Variants in IL1RAPL1 observed in about 807,000 individuals in gnomAD.
IL1RAPL1 encodes the protein interleukin-1 receptor accessory protein-like 1.
A neutral mutation model predicts 48.4 loss-of-function variants in IL1RAPL1; 3 were observed. That is an observed-to-expected ratio of 0.06 (90% CI 0.03 to 0.16). The LOEUF is 0.16. Among genes scored for constraint, IL1RAPL1 ranks in the 10% least tolerant of loss-of-function variants. IL1RAPL1 has a pLI of 1.00. For missense variants in IL1RAPL1, 349 were observed against 530.6 expected (o/e 0.66, Z 3.36); for synonymous variants, 185 against 187.7 (o/e 0.99, Z 0.12).
Position 29,232,586 on chromosome X carries a change from T to A in IL1RAPL1, c.83-50352T>A, listed in dbSNP as rs373738973. Among the ~76,000 whole-genome samples, 3 of 111,624 alleles carry A rather than the reference T, an allele frequency of 2.7e-5. No homozygotes were observed. In the South Asian group the frequency reaches 1.1e-3, roughly 42 times the overall value. ...ACTTACATTTACAATCATCTGACAG[T>A]CATCTCTCAGACGAGCATCCTCCTG... On this transcript the variant is annotated intron_variant, in intron 2 of 10. Coordinates refer to ENST00000378993, the MANE Select transcript of IL1RAPL1 (RefSeq NM_014271.4).
chrX:28,930,789 C>A lies in IL1RAPL1; in HGVS notation c.82+141364C>A, dbSNP rs1364056020. On this transcript the variant is annotated intron_variant, in intron 2 of 10. Coordinates refer to ENST00000378993, the MANE Select transcript of IL1RAPL1 (RefSeq NM_014271.4). ...CCCGAGTAGCTGGGACTACAGGCAC[C>A]TGCCACCACGCCCGGCTAATTTTTT... is the stretch of plus-strand genomic sequence containing the variant. Among the ~76,000 whole-genome samples the A allele has an allele frequency of 2.7e-5, 3 of 111,224 alleles. No individual in the cohort carries two copies. In the Admixed American group the frequency reaches 2.9e-4, roughly 11 times the overall value.
chrX:29,337,413 G>T (rs1260375591), intron 3 of IL1RAPL1, among the ~76,000 whole-genome samples: 1 of 111,481 alleles, frequency 9.0e-6, no homozygotes, highest in African/African-American at 3.3e-5. Context: ...AGGGAAAAAA[G>T]ATTAGTATTC....
chrX:29,279,367 C>T (rs1362065353), intron 2 of IL1RAPL1, among the ~76,000 whole-genome samples: 3 of 109,413 alleles, frequency 2.7e-5, no homozygotes, highest in East Asian at 2.9e-4. Flanking sequence ...ACCTGGGAGG[C>T]GGAGGTTGCA....
Position 29,861,463 on chromosome X carries a change from T to TA in IL1RAPL1, c.779-55999dup, listed in dbSNP as rs751572790. Among the ~76,000 whole-genome samples, 197 of 111,838 alleles carry TA rather than the reference T, an allele frequency of 1.8e-3. 2 individuals carry two copies. Among genetic ancestry groups the TA allele is most frequent in the Non-Finnish European group, 2.9e-3 (153 of 53,203 alleles). On this transcript the variant is annotated intron_variant, in intron 6 of 10. Coordinates refer to ENST00000378993, the MANE Select transcript of IL1RAPL1 (RefSeq NM_014271.4). ...AAAAGGCAGAAGCCAAGTAATGCTT[T>TA]AATGAAGAATTTGAGAGGAGGAATA...
intron 2 of IL1RAPL1, among the ~76,000 whole-genome samples, chrX:29,220,576 C>T (rs555434141): frequency 1.8e-5 from 2 of 112,274 alleles, no homozygotes; most frequent in African/African-American, 3.2e-5. Flanking sequence ...ACGTGAAAAT[C>T]GTAAATGTCG....
intron 5 of IL1RAPL1, among the ~76,000 whole-genome samples, chrX:29,499,589 A>G (rs1935250911): frequency 8.9e-6 from 1 of 111,983 alleles, no homozygotes; most frequent in African/African-American, 3.2e-5. Flanking sequence ...ACAAATACAT[A>G]GGTCAGTTCA....
chrX:29,216,162 GTTGTTA>G (rs1292042641), intron 2 of IL1RAPL1, among the ~76,000 whole-genome samples: 22 of 110,899 alleles, frequency 2.0e-4, no homozygotes, highest in African/African-American at 6.5e-4. Context: ...TTGTTTTTTT[GTTGTTA>G]TTGTTGTTGT....
At chrX:28,657,748 A>C (rs1934765120) in intron 1 of IL1RAPL1, among the ~76,000 whole-genome samples, 1 of 112,079 alleles carries the variant, frequency 8.9e-6, no homozygotes, top group African/African-American at 3.2e-5. Context: ...CCACTGGCTA[A>C]AGAGACCCCC....
intron 5 of IL1RAPL1, among the ~76,000 whole-genome samples, chrX:29,608,956 G>C (rs1330572345): frequency 8.9e-6 from 1 of 112,035 alleles, no homozygotes; most frequent in East Asian, 2.8e-4. Flanking sequence ...TATCAAGAAG[G>C]GTTTATTTAA....
intron 5 of IL1RAPL1, among the ~76,000 whole-genome samples, chrX:29,543,338 A>G (rs1013771788): frequency 4.5e-5 from 5 of 110,688 alleles, no homozygotes; most frequent in Non-Finnish European, 9.5e-5. Flanking sequence ...GGATGAATGG[A>G]TGGATGAGAG....
At chrX:29,886,172 C>T (rs1252201028) in intron 6 of IL1RAPL1, among the ~76,000 whole-genome samples, 1 of 111,988 alleles carries the variant, frequency 8.9e-6, no homozygotes, top group Non-Finnish European at 1.9e-5. Flanking sequence ...TAAGGTCAGT[C>T]GTAGATTTAA....
At position 29,597,194 on chromosome X, in the gene IL1RAPL1, C is replaced by G. The variant is rs764736470; in HGVS notation, c.704-71236C>G. 5.9e-5 allele frequency among the ~76,000 whole-genome samples: 6 copies of G among 101,460 alleles called. No individual in the cohort carries two copies. The South Asian group carries it at 2.8e-3, about 47-fold the overall frequency. The allele number at this position is 101,460 out of a possible 115,157, so 88.1% of individuals were successfully genotyped here. On this transcript the variant is annotated intron_variant, in intron 5 of 10. Coordinates refer to ENST00000378993, the MANE Select transcript of IL1RAPL1 (RefSeq NM_014271.4). The stretch of plus-strand genomic sequence containing the variant: ...TTGAGACTGAGTTTTGCTCTTGTTG[C>G]CCAGGCTGGAGTGCAATGGCGCGAT...
At chrX:28,747,843 TATG>T (rs1408053024) in intron 1 of IL1RAPL1, among the ~76,000 whole-genome samples, 1 of 111,932 alleles carries the variant, frequency 8.9e-6, no homozygotes, top group Non-Finnish European at 1.9e-5. Context: ...CTTGTGTTTC[TATG>T]ATTCTGGAAC....
chrX:29,879,393 G>A (rs868576067), intron 6 of IL1RAPL1, among the ~76,000 whole-genome samples: 65 of 96,733 alleles, frequency 6.7e-4, no homozygotes, highest in African/African-American at 2.8e-3. Context: ...GTGTGTGTGT[G>A]TGTATATATA....
chrX:29,475,412 G>A (rs980708233), intron 5 of IL1RAPL1, among the ~76,000 whole-genome samples: 2 of 111,852 alleles, frequency 1.8e-5, no homozygotes, highest in Non-Finnish European at 3.8e-5. Flanking sequence ...TTGTTTTAAT[G>A]AAAATTTCAC....
intron 3 of IL1RAPL1, among the ~76,000 whole-genome samples, chrX:29,347,108 C>T (rs943190863): frequency 1.8e-5 from 2 of 110,675 alleles, no homozygotes; most frequent in African/African-American, 6.6e-5. Context: ...TAAGACCTAC[C>T]TTACCCGACC....
At chrX:29,596,561 CT>C (rs1207037566) in intron 5 of IL1RAPL1, among the ~76,000 whole-genome samples, 1 of 111,820 alleles carries the variant, frequency 8.9e-6, no homozygotes, top group Non-Finnish European at 1.9e-5. Context: ...AGCAGAGCTA[CT>C]GATTTGTGTA....
At chrX:29,183,369 C>G (rs1930184623) in intron 2 of IL1RAPL1, among the ~76,000 whole-genome samples, 1 of 111,633 alleles carries the variant, frequency 9.0e-6, no homozygotes, top group Non-Finnish European at 1.9e-5. Flanking sequence ...CAATCCAGCC[C>G]CCCACCATTT....
intron 6 of IL1RAPL1, among the ~76,000 whole-genome samples, chrX:29,887,923 A>G (rs1932199987): frequency 9.0e-6 from 1 of 111,571 alleles, no homozygotes; most frequent in Non-Finnish European, 1.9e-5. Flanking sequence ...ATGGAGCTCT[A>G]TATACACAAT....
Sources: gnomAD v4.1 joint callset for allele counts (sites outside exome capture counted in the v4.1 genomes callset) on GRCh38, gnomAD v4.1.1 for gene constraint, MANE v1.5 for transcripts, NCBI Gene and HGNC (gene_info 2026-07-23, HGNC 2026-07-21) for gene names.